Variants in KHDRBS2 observed in about 807,000 individuals in gnomAD.
KHDRBS2 encodes the protein KH RNA binding domain containing, signal transduction associated 2, also known as KH domain-containing, RNA-binding, signal transduction-associated protein 2.
In KHDRBS2, 26 loss-of-function variants were observed where a neutral mutation model predicts 44.3. The observed-to-expected ratio is 0.59, with a 90% CI of 0.43 to 0.81. The LOEUF (loss-of-function observed/expected upper bound fraction) is 0.81, where lower values mean the gene tolerates loss of function less well. Ranked by LOEUF, KHDRBS2 falls within the 40% of genes least tolerant of loss-of-function variation. KHDRBS2 has a pLI of 0.00. For synonymous variants in KHDRBS2, 194 were observed against 151.1 expected (o/e 1.28, Z -2.08); for missense variants, 476 against 433.1 (o/e 1.10, Z -0.88).
chr6:62,095,791 G>T (rs1224559776), intron 2 of KHDRBS2, among the ~76,000 whole-genome samples: 3 of 151,832 alleles, frequency 2.0e-5, no homozygotes, highest in African/African-American at 4.8e-5. Flanking sequence ...TTCTTGTCTT[G>T]TTCCTGATCT....
intron 4 of KHDRBS2, among the ~76,000 whole-genome samples, chr6:61,917,496 T>C (rs369384394): frequency 1.3e-5 from 2 of 151,858 alleles, no homozygotes; most frequent in East Asian, 1.9e-4. Context: ...AGGGGAAGGA[T>C]GGAATGAATA....
intron 4 of KHDRBS2, among the ~76,000 whole-genome samples, chr6:61,924,920 T>C (rs1808689934): frequency 6.6e-6 from 1 of 152,062 alleles, no homozygotes; most frequent in South Asian, 2.1e-4. Context: ...TGGCTTTACG[T>C]TTGTAATTGG....
chr6:61,746,280 G>A (rs1464865633), intron 6 of KHDRBS2, among the ~76,000 whole-genome samples: 1 of 152,014 alleles, frequency 6.6e-6, no homozygotes. Flanking sequence ...CATGCATTAA[G>A]TATTTGTCCT....
chr6:62,069,547 A>C lies in KHDRBS2; in HGVS notation c.220-21553T>G, dbSNP rs572245805. On this transcript the variant is annotated intron_variant, in intron 2 of 8. Coordinates refer to ENST00000281156, the MANE Select transcript of KHDRBS2 (RefSeq NM_152688.4). ...CATATAGGTCTCATGGTGTTATTCA[A>C]GGTTTATGATACTACATTTAACAAA... Among the ~76,000 whole-genome samples, 36 of 151,858 alleles carry C rather than the reference A, an allele frequency of 2.4e-4. No individual in the cohort carries two copies. In the South Asian group the frequency reaches 7.5e-3, roughly 32 times the overall value.
At chr6:62,281,604 C>G (rs1391647039) in intron 1 of KHDRBS2, among the ~76,000 whole-genome samples, 2 of 152,090 alleles carry the variant, frequency 1.3e-5, no homozygotes, top group African/African-American at 4.8e-5. Context: ...TGGGCAACAG[C>G]GCAAGGCTCT....
chr6:61,626,541 C>T, the KHDRBS2 span, among the ~76,000 whole-genome samples: 1 of 152,124 alleles, frequency 6.6e-6, no homozygotes, highest in Non-Finnish European at 1.5e-5. Context: ...GCTATGTTAA[C>T]TTTGGACTTA....
At chr6:62,074,273 G>A (rs1167490202) in intron 2 of KHDRBS2, among the ~76,000 whole-genome samples, 1 of 151,832 alleles carries the variant, frequency 6.6e-6, no homozygotes, top group Non-Finnish European at 1.5e-5. Context: ...ATAAATGTGT[G>A]CTGTGTTAAG....
At chr6:62,145,380 C>T (rs1813705168) in intron 2 of KHDRBS2, among the ~76,000 whole-genome samples, 1 of 151,272 alleles carries the variant, frequency 6.6e-6, no homozygotes. Context: ...GCTTACATCG[C>T]TTTTTCACTT....
chr6:61,805,067 T>C (rs1786927635), intron 6 of KHDRBS2, among the ~76,000 whole-genome samples: 1 of 152,172 alleles, frequency 6.6e-6, no homozygotes, highest in African/African-American at 2.4e-5. Flanking sequence ...CTTTTAAACA[T>C]AAGTTCCGAT....
At chr6:62,199,960 G>A (rs985482991) in intron 1 of KHDRBS2, among the ~76,000 whole-genome samples, 4 of 152,020 alleles carry the variant, frequency 2.6e-5, no homozygotes, top group Non-Finnish European at 5.9e-5. Context: ...TCTTTGACAA[G>A]CCTGACAAAA....
At chr6:61,899,553 G>A (rs1803541646) in intron 5 of KHDRBS2, among the ~76,000 whole-genome samples, 1 of 151,762 alleles carries the variant, frequency 6.6e-6, no homozygotes, top group Non-Finnish European at 1.5e-5. Context: ...GCACTATCCT[G>A]TTTTCAATTA....
chr6:61,576,382 C>G, the KHDRBS2 span, among the ~76,000 whole-genome samples: 1 of 151,966 alleles, frequency 6.6e-6, no homozygotes, highest in Non-Finnish European at 1.5e-5. Context: ...TGTTTCTCAG[C>G]TTGATTGTTA....
chr6:61,852,487 C>A (rs1286881747), intron 6 of KHDRBS2, among the ~76,000 whole-genome samples: 1 of 151,518 alleles, frequency 6.6e-6, no homozygotes, highest in Non-Finnish European at 1.5e-5. Context: ...TCATTTGAAC[C>A]CGGGAGGCAG....
At chr6:61,880,964 TAAA>T (rs1300511568) in intron 6 of KHDRBS2, among the ~76,000 whole-genome samples, 1 of 151,862 alleles carries the variant, frequency 6.6e-6, no homozygotes, top group African/African-American at 2.4e-5. Flanking sequence ...TGTCATTAAC[TAAA>T]AAATAAAAGG....
At chr6:62,151,521 T>C (rs1815181614) in intron 2 of KHDRBS2, among the ~76,000 whole-genome samples, 1 of 152,126 alleles carries the variant, frequency 6.6e-6, no homozygotes, top group African/African-American at 2.4e-5. Flanking sequence ...AAGAAACATT[T>C]CAAAAGTTAC....
intron 3 of KHDRBS2, among the ~76,000 whole-genome samples, chr6:62,045,711 G>C (rs1397207998): frequency 6.6e-6 from 1 of 151,868 alleles, no homozygotes; most frequent in Non-Finnish European, 1.5e-5. Flanking sequence ...AATCCCATGT[G>C]ATGTATTTAA....
intron 4 of KHDRBS2, among the ~76,000 whole-genome samples, chr6:61,968,373 C>G (rs148836549): frequency 2.6e-5 from 4 of 151,974 alleles, no homozygotes; most frequent in Non-Finnish European, 5.9e-5. Context: ...CTGTCACATA[C>G]TCCTTGCCTA....
chr6:62,139,356 T>C (rs936795005), intron 2 of KHDRBS2, among the ~76,000 whole-genome samples: 1 of 151,890 alleles, frequency 6.6e-6, no homozygotes, highest in African/African-American at 2.4e-5. Context: ...ATCGAGACCA[T>C]CCTGGCTAAC....
chr6:62,099,683 G>T (rs1801419772), intron 2 of KHDRBS2, among the ~76,000 whole-genome samples: 1 of 152,102 alleles, frequency 6.6e-6, no homozygotes, highest in Admixed American at 6.6e-5. Context: ...TCAAGCAAAT[G>T]ATGTCTCTTT....
Sources: gnomAD v4.1 joint callset for allele counts (sites outside exome capture counted in the v4.1 genomes callset) on GRCh38, gnomAD v4.1.1 for gene constraint, MANE v1.5 for transcripts, NCBI Gene and HGNC (gene_info 2026-07-23, HGNC 2026-07-21) for gene names.